Variants in KCNQ5 observed in about 807,000 individuals in gnomAD.
The protein encoded by KCNQ5 is potassium voltage-gated channel subfamily KQT member 5.
A neutral mutation model predicts 98.2 loss-of-function variants in KCNQ5; 30 were observed. The ratio of observed to expected loss-of-function variants is 0.31; its 90% CI spans 0.23 to 0.41. The LOEUF (loss-of-function observed/expected upper bound fraction) is 0.41, where lower values mean the gene tolerates loss of function less well. Ranked by LOEUF, KCNQ5 falls within the 10% of genes least tolerant of loss-of-function variation. KCNQ5 has a pLI of 1.00. For missense variants in KCNQ5, 835 were observed against 1,182.5 expected (o/e 0.71, Z 4.31); for synonymous variants, 458 against 449.4 (o/e 1.02, Z -0.24).
At chr6:72,726,960 T>A (rs577831973) in intron 1 of KCNQ5, among the ~76,000 whole-genome samples, 1 of 152,350 alleles carries the variant, frequency 6.6e-6, no homozygotes, top group East Asian at 1.9e-4. Flanking sequence ...TGAGGCTTAC[T>A]TATTAAAGAT....
intron 1 of KCNQ5, among the ~76,000 whole-genome samples, chr6:72,963,245 A>G (rs1767458472): frequency 6.6e-6 from 1 of 152,224 alleles, no homozygotes; most frequent in African/African-American, 2.4e-5. Flanking sequence ...GCTAAAAAGT[A>G]GAACATTATC....
At chr6:73,033,273 G>T (rs1021051548) in intron 2 of KCNQ5, among the ~76,000 whole-genome samples, 3 of 152,098 alleles carry the variant, frequency 2.0e-5, no homozygotes, top group Admixed American at 6.5e-5. Flanking sequence ...TAAAAAACCA[G>T]CCGTGATCCT....
chr6:73,123,076 A>G (rs1400028396), intron 8 of KCNQ5, among the ~76,000 whole-genome samples: 1 of 151,958 alleles, frequency 6.6e-6, no homozygotes, highest in African/African-American at 2.4e-5. Flanking sequence ...TTGAGCACCT[A>G]TGATGTGCAA....
At chr6:72,663,671 G>A (rs143589496) in intron 1 of KCNQ5, among the ~76,000 whole-genome samples, 60 of 152,250 alleles carry the variant, frequency 3.9e-4, no homozygotes, top group Middle Eastern at 3.4e-3. Context: ...TAAAGTTTAG[G>A]AACATGACCT....
intron 1 of KCNQ5, among the ~76,000 whole-genome samples, chr6:72,880,444 A>G (rs1160542454): frequency 1.3e-5 from 2 of 152,168 alleles, no homozygotes; most frequent in East Asian, 3.9e-4. Flanking sequence ...ATTACCTCCT[A>G]AAGGCCCAAC....
At chr6:72,877,779 CTTG>C (rs1778476426) in intron 1 of KCNQ5, among the ~76,000 whole-genome samples, 2 of 152,158 alleles carry the variant, frequency 1.3e-5, no homozygotes, top group Non-Finnish European at 2.9e-5. Flanking sequence ...GAGATGGTAT[CTTG>C]TTGTTTTGAT....
At chr6:73,048,365 G>A (rs1772065347) in intron 3 of KCNQ5, among the ~76,000 whole-genome samples, 2 of 152,166 alleles carry the variant, frequency 1.3e-5, no homozygotes, top group African/African-American at 2.4e-5. Context: ...ACAAGGTGGA[G>A]ACATAAGGTC....
intron 1 of KCNQ5, among the ~76,000 whole-genome samples, chr6:72,805,960 G>C (rs978521902): frequency 2.6e-5 from 4 of 152,030 alleles, no homozygotes; most frequent in African/African-American, 9.7e-5. Context: ...TTCTTTTTCA[G>C]ATTGTTTGCT....
At chr6:72,775,950 A>G (rs1395644315) in intron 1 of KCNQ5, among the ~76,000 whole-genome samples, 1 of 152,308 alleles carries the variant, frequency 6.6e-6, no homozygotes, top group Middle Eastern at 3.4e-3. Flanking sequence ...GATATGAGGT[A>G]AAAACTAAGG....
At chr6:73,139,761 T>C (rs996274708) in intron 10 of KCNQ5, among the ~76,000 whole-genome samples, 2 of 152,146 alleles carry the variant, frequency 1.3e-5, no homozygotes, top group African/African-American at 2.4e-5. Flanking sequence ...AGTCAGCCCA[T>C]AAATGTTCTA....
At position 73,072,874 on chromosome 6, in the gene KCNQ5, T is replaced by G. The variant is rs542849734; in HGVS notation, c.617-4448T>G. Among the ~76,000 whole-genome samples, 17 of 152,310 alleles carry G rather than the reference T, an allele frequency of 1.1e-4. 1 individual carries two copies. The South Asian group carries it at 3.5e-3, about 32-fold the overall frequency. On this transcript the variant is annotated intron_variant, in intron 3 of 13. Coordinates refer to ENST00000370398, the MANE Select transcript of KCNQ5 (RefSeq NM_019842.4). Reference sequence around the variant, plus strand: ...TTTGTTTCCTTTGAGAGAGGTAGATTTTAAGAGTTCTGGATTACATGCTTT... The same window carrying G: ...TTTGTTTCCTTTGAGAGAGGTAGATGTTAAGAGTTCTGGATTACATGCTTT...
At chr6:72,947,425 G>A (rs1006187260) in intron 1 of KCNQ5, among the ~76,000 whole-genome samples, 1 of 152,118 alleles carries the variant, frequency 6.6e-6, no homozygotes, top group Non-Finnish European at 1.5e-5. Flanking sequence ...ATACAAGCAA[G>A]ACTTACTGCT....
intron 1 of KCNQ5, among the ~76,000 whole-genome samples, chr6:72,639,538 C>T (rs2098926064): frequency 6.6e-6 from 1 of 152,088 alleles, no homozygotes; most frequent in South Asian, 2.1e-4. Flanking sequence ...TGAGGGGTGT[C>T]CCTGAAAGTA....
At chr6:72,872,435 CA>C (rs1411578237) in intron 1 of KCNQ5, among the ~76,000 whole-genome samples, 1 of 152,122 alleles carries the variant, frequency 6.6e-6, no homozygotes, top group Non-Finnish European at 1.5e-5. Context: ...CAGCAAAAAA[CA>C]AAATGTTAGG....
chr6:73,029,777 C>CA (rs1313360119), intron 2 of KCNQ5, among the ~76,000 whole-genome samples: 6 of 151,306 alleles, frequency 4.0e-5, no homozygotes, highest in African/African-American at 1.2e-4. Context: ...ACTAAAAATA[C>CA]AAAAAATTAG....
At chr6:73,027,553 A>G (rs952308243) in intron 2 of KCNQ5, among the ~76,000 whole-genome samples, 4 of 152,298 alleles carry the variant, frequency 2.6e-5, no homozygotes, top group African/African-American at 9.6e-5. Context: ...CCAAATAAAG[A>G]TCCTGCTGGG....
intron 2 of KCNQ5, among the ~76,000 whole-genome samples, chr6:73,004,451 G>A (rs1769729362): frequency 6.6e-6 from 1 of 152,120 alleles, no homozygotes; most frequent in South Asian, 2.1e-4. Flanking sequence ...GAAAATAGAA[G>A]GCTCCTTCAT....
intron 1 of KCNQ5, among the ~76,000 whole-genome samples, chr6:72,933,177 A>T (rs929057096): frequency 6.6e-5 from 10 of 152,292 alleles, no homozygotes; most frequent in East Asian, 5.8e-4. Flanking sequence ...TGCTGAGATT[A>T]AAAAAATTCT....
In KCNQ5 at chr6:72,874,520, C is replaced by A. The variant is rs192684025; in HGVS notation, c.399-129388C>A. Among the ~76,000 whole-genome samples, 369 of 151,992 alleles carry A rather than the reference C, an allele frequency of 2.4e-3. 2 individuals carry two copies. The highest frequency in any genetic ancestry group is 8.3e-3 in the African/African-American group (343 of 41,464). ...CTTTAATCACTGAAATAACTAAGACCAAAACAGAAAAACCTATTATTCCTC... is the reference window on the plus strand; with the variant it reads ...CTTTAATCACTGAAATAACTAAGACAAAAACAGAAAAACCTATTATTCCTC... On this transcript the variant is annotated intron_variant, in intron 1 of 13. Coordinates refer to ENST00000370398, the MANE Select transcript of KCNQ5 (RefSeq NM_019842.4).
Sources: allele counts gnomAD v4.1 joint callset (sites outside exome capture counted in the v4.1 genomes callset), GRCh38; gene constraint gnomAD v4.1.1; transcripts MANE v1.5; gene names NCBI Gene and HGNC (gene_info 2026-07-23, HGNC 2026-07-21).